Variants in KMT2E observed in about 807,000 individuals in gnomAD.
KMT2E encodes lysine methyltransferase 2E (inactive).
KMT2E carries 30 observed loss-of-function variants against 184.6 expected under a neutral mutation model. The observed-to-expected ratio is 0.16, with a 90% CI of 0.12 to 0.22. The LOEUF (loss-of-function observed/expected upper bound fraction) is 0.22. KMT2E is among the 10% of genes least tolerant of loss of function. KMT2E has a pLI of 1.00. For synonymous variants in KMT2E, 815 were observed against 776.5 expected (o/e 1.05, Z -0.82); for missense variants, 2,023 against 2,237.4 (o/e 0.90, Z 1.93).
At chr7:105,037,701 C>CT (rs1385093546) in intron 1 of KMT2E, among the ~76,000 whole-genome samples, 1 of 152,166 alleles carries the variant, frequency 6.6e-6, no homozygotes, top group African/African-American at 2.4e-5. Flanking sequence ...AAGGCAGCTT[C>CT]AGTCTTCCAG....
chr7:105,091,528 A>C (rs1361111768), intron 15 of KMT2E: 1 of 583,000 alleles, frequency 1.7e-6, no homozygotes, highest in African/African-American at 1.9e-5. Context: ...AATGTATGAC[A>C]TTTAAGAAAT....
At chr7:105,110,962 C>T (rs1482851277) in intron 26 of KMT2E, 94 bp downstream of exon 26, 3 of 833,246 alleles carry the variant, frequency 3.6e-6, no homozygotes, top group Non-Finnish European at 6.0e-6. Context: ...TCTGCTGTAT[C>T]AAGTATCAAC....
At chr7:105,036,831 A>G (rs1394872420) in intron 1 of KMT2E, among the ~76,000 whole-genome samples, 2 of 152,184 alleles carry the variant, frequency 1.3e-5, no homozygotes, top group African/African-American at 2.4e-5. Context: ...AAATTCTGTC[A>G]TTTTGATTAT....
rs1393442667 is a variant in KMT2E, at chr7:105,107,159, T to TATTTAA, written c.2848-5_2848-4insTTAAAT. On this transcript the variant is annotated splice_region_variant and splice_polypyrimidine_tract_variant and intron_variant, in intron 20 of 26. Transcript: ENST00000311117. The stretch of plus-strand genomic sequence containing the variant: ...ATTTTCAATTCTAATTCTTTCTTTA[T>TATTTAA]ATACAGAATATTTCTTCCCCAGAAA... 7.2e-7 allele frequency: 1 copy of TATTTAA among 1,392,614 alleles called. No homozygotes were observed. Among genetic ancestry groups the TATTTAA allele is most frequent in the Non-Finnish European group, 9.9e-7 (1 of 1,006,118 alleles). The allele number at this position is 1,392,614 out of a possible 1,614,324, so 86.3% of individuals were successfully genotyped here.
chr7:105,104,663 C>G (rs1490416927), intron 17 of KMT2E: 1 of 152,206 alleles, frequency 6.6e-6, no homozygotes, highest in Non-Finnish European at 1.5e-5. Flanking sequence ...CCACTGCACT[C>G]CAGGCTGGGC....
chr7:105,111,352 G>C (rs1799258960), intron 26 of KMT2E, among the ~76,000 whole-genome samples: 1 of 150,934 alleles, frequency 6.6e-6, no homozygotes, highest in Admixed American at 6.6e-5. Flanking sequence ...TCTTATACTT[G>C]GTTTATTTAT....
At chr7:105,016,706 C>A (rs1794729576) in intron 1 of KMT2E, among the ~76,000 whole-genome samples, 1 of 152,096 alleles carries the variant, frequency 6.6e-6, no homozygotes, top group Non-Finnish European at 1.5e-5. Flanking sequence ...GATTGTGGAG[C>A]AACGGAAAGA....
In KMT2E at chr7:105,112,281, A is replaced by C; in HGVS notation, c.4525A>C (p.Asn1509His). 1 of 1,614,120 alleles carries C rather than the reference A, an allele frequency of 6.2e-7. No homozygotes were observed. The highest frequency in any genetic ancestry group is 8.5e-7 in the Non-Finnish European group (1 of 1,180,028). ...FYPAAQNLPA[N>H]TQQATSGTLF... ...TCCAGCAGCACAGAACCTTCCAGCC[A>C]ATACTCAGCAGGCAACTTCTGGAAC... Residue 1509 changes from asparagine to histidine, a missense_variant, in exon 27 of 27, where the codon AAT becomes CAT. Transcript: ENST00000311117.
Position 105,073,688 on chromosome 7 carries a change from A to G in KMT2E, c.556+11A>G. 1 of 1,544,640 alleles carries G rather than the reference A, an allele frequency of 6.5e-7. No homozygotes were observed. The highest frequency in any genetic ancestry group is 2.3e-5 in the East Asian group (1 of 44,432). On this transcript the variant is annotated intron_variant, in intron 7 of 26. Coordinates refer to ENST00000311117, the MANE Select transcript of KMT2E (RefSeq NM_182931.3). Reference sequence around the variant, plus strand: ...GGGAAAATATGTCAGGTAGGTAAAAAGGACCTACACTAAATTAAAATTCGT... The same window carrying G: ...GGGAAAATATGTCAGGTAGGTAAAAGGGACCTACACTAAATTAAAATTCGT...
intron 26 of KMT2E, 103 bp downstream of exon 26, chr7:105,110,971 A>T: frequency 1.3e-6 from 1 of 774,644 alleles, no homozygotes; most frequent in Non-Finnish European, 2.2e-6. Context: ...TCAAGTATCA[A>T]CTTGTGACTT....
chr7:105,019,325 C>T (rs1192422996), intron 1 of KMT2E, among the ~76,000 whole-genome samples: 1 of 151,966 alleles, frequency 6.6e-6, no homozygotes, highest in African/African-American at 2.4e-5. Context: ...CTTTTTTTCC[C>T]TCATGAACAG....
At chr7:105,026,624 T>A (rs1795188267) in intron 1 of KMT2E, among the ~76,000 whole-genome samples, 1 of 152,250 alleles carries the variant, frequency 6.6e-6, no homozygotes, top group Admixed American at 6.5e-5. Flanking sequence ...ACCTAGTTGC[T>A]GTATATTAGT....
Position 105,112,765 on chromosome 7 carries a change from CT to C in KMT2E, c.5010del (p.Gln1671LysfsTer41). 1 of 1,613,336 alleles carries C rather than the reference CT, an allele frequency of 6.2e-7. No homozygotes were observed. The highest frequency in any genetic ancestry group is 8.5e-7 in the Non-Finnish European group (1 of 1,179,836). ...GTCACCCCTGGGTCGCATATTCATT[CT>C]CAAACTGCTGGACACCACTTACCCC... is the stretch of plus-strand genomic sequence containing the variant. ...HAVTPGSHIH[S>X]QTAGHHLPPP... On this transcript the variant is annotated frameshift_variant, in exon 27 of 27. Coordinates refer to ENST00000311117, the MANE Select transcript of KMT2E (RefSeq NM_182931.3). LOFTEE classifies it high-confidence loss of function.
chr7:105,102,046 A>C lies in KMT2E; in HGVS notation c.2048A>C (p.Asp683Ala). ...TCAGATATCCAGCCATCTTCTCCTG[A>C]TATAGAAGTTACTTCACAACAAAAT... ...MCSDIQPSSP[D>A]IEVTSQQNDI... The change falls in exon 17 of 27, where the codon GAT (aspartate) becomes GCT (alanine). Residue 683 changes from aspartate to alanine, a missense_variant. Around this residue, in one of 8 missense-constraint regions of KMT2E, gnomAD observed 514 missense variants for 621.8 expected, o/e 0.83. Transcript: ENST00000311117. 1 of 1,613,960 alleles carries C rather than the reference A, an allele frequency of 6.2e-7. No homozygotes were observed. The highest frequency in any genetic ancestry group is 8.5e-7 in the Non-Finnish European group (1 of 1,179,864).
chr7:105,090,826 G>A (rs1798172206), intron 14 of KMT2E, among the ~76,000 whole-genome samples: 1 of 152,076 alleles, frequency 6.6e-6, no homozygotes, highest in African/African-American at 2.4e-5. Context: ...GTAAGGTTTT[G>A]CTCATTTCCA....
At chr7:105,015,236 T>A (rs1283078846) in intron 1 of KMT2E, among the ~76,000 whole-genome samples, 2 of 152,208 alleles carry the variant, frequency 1.3e-5, no homozygotes, top group African/African-American at 4.8e-5. Flanking sequence ...TCAGAAAAGC[T>A]TATTTTGACC....
Position 105,112,095 on chromosome 7 carries a change from C to G in KMT2E, c.4339C>G (p.Leu1447Val). 1.2e-6 allele frequency: 2 copies of G among 1,614,148 alleles called. No homozygotes were observed. Among genetic ancestry groups the G allele is most frequent in the African/African-American group, 2.7e-5 (2 of 75,024 alleles). ...TKLHCPPSPH[L>V]ENPPKSSTPH... ...GTTGCACTGTCCTCCATCACCTCAC[C>G]TAGAAAATCCTCCAAAGTCATCCAC... The change falls in exon 27 of 27, where the codon CTA becomes GTA. Residue 1447 changes from leucine to valine, a missense_variant. By Grantham distance (32) the Leu-to-Val change is conservative. Transcript: ENST00000311117.
At chr7:105,100,233 T>C (rs916946803) in intron 15 of KMT2E, among the ~76,000 whole-genome samples, 11 of 152,206 alleles carry the variant, frequency 7.2e-5, no homozygotes, top group African/African-American at 2.7e-4. Context: ...AGTACTTTTG[T>C]TGACATAGTA....
At position 105,107,217 on chromosome 7, in the gene KMT2E, C is replaced by A; in HGVS notation, c.2899C>A (p.Gln967Lys). 3 of 1,559,222 alleles carry A rather than the reference C, an allele frequency of 1.9e-6. No homozygotes were observed. Among genetic ancestry groups the A allele is most frequent in the South Asian group, 2.4e-5 (2 of 83,076 alleles). ...SPEIKRRTYS[Q>K]EGYDRSSTML... ...AGAAATAAAGAGACGCACTTATAGT[C>A]AAGAGGTAAGAAGTTAACTTAAAAA... The change falls in exon 21 of 27, where the codon CAA becomes AAA. Residue 967 changes from glutamine (Q) to lysine (K), a missense_variant. Gln to Lys is a moderately conservative substitution (Grantham distance 53). This residue lies in a region of KMT2E where 514 missense variants were observed against 621.8 expected (regional missense o/e 0.83). Coordinates refer to ENST00000311117, the MANE Select transcript of KMT2E (RefSeq NM_182931.3).
Sources: allele counts gnomAD v4.1 joint callset (sites outside exome capture counted in the v4.1 genomes callset), GRCh38; gene constraint gnomAD v4.1.1; regional missense constraint gnomAD v4.1.1; transcripts MANE v1.5; gene names NCBI Gene and HGNC (gene_info 2026-07-23, HGNC 2026-07-21).